Variants in NAA60 observed in about 807,000 individuals in gnomAD.
The protein encoded by NAA60 is N-alpha-acetyltransferase 60.
In NAA60, 8 loss-of-function variants were observed where a neutral mutation model predicts 26.1. The observed-to-expected ratio is 0.31, with a 90% CI of 0.18 to 0.55. The LOEUF is 0.55. NAA60 is among the 20% of genes least tolerant of loss of function. NAA60 has a pLI of 0.93. For missense variants in NAA60, 290 were observed against 311.3 expected, an observed-to-expected ratio of 0.93 and a Z score of 0.51; for synonymous variants, 131 against 122.5, an observed-to-expected ratio of 1.07 and a Z score of -0.46.
chr16:3,483,929 G>C (rs2037006025), intron 6 of NAA60: 1 of 353,168 alleles, frequency 2.8e-6, no homozygotes, highest in African/African-American at 2.2e-5. Context: ...GGGATCAGCA[G>C]TGCACAAAAC....
intron 2 of NAA60, chr16:3,458,127 T>C (rs1408964351): frequency 9.7e-5 from 96 of 984,938 alleles, no homozygotes; most frequent in Non-Finnish European, 1.1e-4. Flanking sequence ...TCCCTTCGCC[T>C]CCAGGATGCG....
intron 5 of NAA60, among the ~76,000 whole-genome samples, chr16:3,483,108 A>T (rs1425969732): frequency 6.6e-6 from 1 of 152,164 alleles, no homozygotes; most frequent in Non-Finnish European, 1.5e-5. Context: ...TCTGAAAGGG[A>T]GTCTCCATGC....
intron 2 of NAA60, chr16:3,457,888 C>CT: frequency 1.2e-6 from 1 of 803,596 alleles, no homozygotes; most frequent in Non-Finnish European, 1.5e-6. Flanking sequence ...GATCCTGGGC[C>CT]TGGCTTCGCA....
intron 4 of NAA60, among the ~76,000 whole-genome samples, chr16:3,482,145 G>A (rs925328313): frequency 2.6e-5 from 4 of 152,168 alleles, no homozygotes; most frequent in South Asian, 2.1e-4. Context: ...GGTGACATGC[G>A]TGCATTCCCA....
chr16:3,472,634 C>A (rs537654054), intron 2 of NAA60, among the ~76,000 whole-genome samples: 20 of 152,268 alleles, frequency 1.3e-4, no homozygotes, highest in African/African-American at 4.3e-4. Context: ...AGGGTTTCAC[C>A]ATCTTGGCCA....
At chr16:3,485,093 C>T in intron 7 of NAA60, 32 bp downstream of exon 7, 1 of 1,284,704 alleles carries the variant, frequency 7.8e-7, no homozygotes, top group Non-Finnish European at 1.1e-6. Context: ...GGTATGGGAG[C>T]TTGGTGCCTC....
chr16:3,458,609 T>G (rs990118111), intron 2 of NAA60, among the ~76,000 whole-genome samples: 2 of 152,224 alleles, frequency 1.3e-5, no homozygotes, highest in African/African-American at 4.8e-5. Flanking sequence ...CGCTCTCGCC[T>G]GGCCTGGTCA....
intron 4 of NAA60, 127 bp downstream of exon 4, chr16:3,479,727 AGTGGCCAACGACACTT>A: frequency 9.3e-7 from 1 of 1,076,954 alleles, no homozygotes; most frequent in South Asian, 1.6e-5. Context: ...AAGGAATCCA[AGTGGCCAACGACACTT>A]GTCCCTGGCT....
chr16:3,484,732 C>T lies in NAA60; in HGVS notation c.606C>T (p.Ala202=), dbSNP rs1312502791. The T allele has an allele frequency of 6.3e-7, 1 of 1,595,754 alleles. No homozygotes were observed. The highest frequency in any genetic ancestry group is 1.1e-5 in the South Asian group (1 of 87,944). ...TCCAGCACCTGGGCTCTGCACTAGC[C>T]AGCCTGAGCCCCTGCTCCATTCCGC... ...DYIQHLGSAL[A]SLSPCSIPHR... Residue 202 remains alanine (A), a synonymous_variant, in exon 7 of 8, where the codon GCC becomes GCT. Transcript: ENST00000407558.
chr16:3,479,859 G>A (rs556843068), intron 4 of NAA60, among the ~76,000 whole-genome samples: 2 of 152,282 alleles, frequency 1.3e-5, no homozygotes, highest in East Asian at 1.9e-4. Flanking sequence ...AGGCATGAGC[G>A]CAGATGATGC....
intron 3 of NAA60, among the ~76,000 whole-genome samples, chr16:3,477,129 C>A (rs562105885): frequency 1.4e-4 from 21 of 151,886 alleles, no homozygotes; most frequent in African/African-American, 5.1e-4. Flanking sequence ...AAAACATGTA[C>A]AAGATAAAAT....
chr16:3,482,416 C>T (rs567127721), intron 4 of NAA60, 86 bp from the exon 5 acceptor site: 403 of 1,100,358 alleles, frequency 3.7e-4, no homozygotes, highest in African/African-American at 1.3e-3. Flanking sequence ...CGTGGGAAGT[C>T]GGTGCGGAGC....
chr16:3,470,674 G>C lies in NAA60; in HGVS notation c.-6-5548G>C, dbSNP rs1018911010. On this transcript the variant is annotated intron_variant, in intron 2 of 7. Transcript: ENST00000407558. Reference sequence around the variant, plus strand: ...GCAGGGCAGGGGCCAGTGGGGTTGGGGGGGGCCGCTGGCCCTGCCTTTGGA... The same window carrying C: ...GCAGGGCAGGGGCCAGTGGGGTTGGCGGGGGCCGCTGGCCCTGCCTTTGGA... Among the ~76,000 whole-genome samples, 12 of 152,370 alleles carry C rather than the reference G, an allele frequency of 7.9e-5. No homozygotes were observed. In the South Asian group the frequency reaches 8.3e-4, roughly 11 times the overall value.
At chr16:3,462,947 T>G (rs1397685430) in intron 2 of NAA60, among the ~76,000 whole-genome samples, 2 of 152,242 alleles carry the variant, frequency 1.3e-5, no homozygotes, top group African/African-American at 2.4e-5. Flanking sequence ...TAAATATTTT[T>G]TAAAATTAGA....
chr16:3,447,710 T>C lies in NAA60; in HGVS notation c.-76-761T>C, dbSNP rs968145312. ...GATTGAGCAGTTAGAAAACTGTTGC[T>C]ACCTAGTCTCCAGTCTTATAAGGGG... On this transcript the variant is annotated intron_variant, in intron 1 of 7. Transcript: ENST00000407558. The C allele has an allele frequency of 8.3e-6, 7 of 844,988 alleles. No individual in the cohort carries two copies. The African/African-American group carries it at 1.3e-4, about 16-fold the overall frequency. 52.3% of individuals were successfully genotyped at this position (844,988 alleles called of 1,614,324 possible). A position where few individuals can be genotyped will look rare whatever the true frequency, so the allele number is the denominator to read the frequency against.
chr16:3,473,117 C>G (rs996315794), intron 2 of NAA60, among the ~76,000 whole-genome samples: 4 of 152,172 alleles, frequency 2.6e-5, no homozygotes, highest in African/African-American at 9.7e-5. Context: ...CTCACTGCAA[C>G]CTCTGCCACC....
chr16:3,446,270 G>A (rs1200747445), intron 1 of NAA60, among the ~76,000 whole-genome samples: 2 of 152,096 alleles, frequency 1.3e-5, no homozygotes, highest in East Asian at 1.9e-4. Context: ...GGTGGCTCAC[G>A]CCTGTAATCC....
chr16:3,466,859 TCAC>T (rs1037227880), intron 2 of NAA60, among the ~76,000 whole-genome samples: 23 of 152,132 alleles, frequency 1.5e-4, no homozygotes, highest in African/African-American at 4.8e-4. Flanking sequence ...TGGTGCACCT[TCAC>T]CAGTGTGCTG....
At chr16:3,474,188 A>T (rs1384494608) in intron 2 of NAA60, among the ~76,000 whole-genome samples, 1 of 152,202 alleles carries the variant, frequency 6.6e-6, no homozygotes, top group Admixed American at 6.5e-5. Flanking sequence ...TTGAACCAGG[A>T]GCTGAGAACC....
Sources: allele counts gnomAD v4.1 joint callset (sites outside exome capture counted in the v4.1 genomes callset), GRCh38; gene constraint gnomAD v4.1.1; transcripts MANE v1.5; gene names NCBI Gene and HGNC (gene_info 2026-07-23, HGNC 2026-07-21).